The following TMEM132D variants were observed in gnomAD, a reference collection of about 807,000 sequenced individuals.
TMEM132D encodes the protein mature OL transmembrane protein.
A neutral mutation model predicts 62.3 loss-of-function variants in TMEM132D; 21 were observed. The ratio of observed to expected loss-of-function variants is 0.34; its 90% CI spans 0.24 to 0.49. TMEM132D has a LOEUF of 0.49. Ranked by LOEUF, TMEM132D falls within the 20% of genes least tolerant of loss-of-function variation. The probability of loss-of-function intolerance (pLI) is 0.99; values close to 1 mark genes in which losing one functional copy is unlikely to be tolerated. For synonymous variants in TMEM132D, 621 were observed against 575.6 expected (o/e 1.08, Z -1.13); for missense variants, 1,346 against 1,402.8 (o/e 0.96, Z 0.65).
intron 4 of TMEM132D, among the ~76,000 whole-genome samples, chr12:129,252,972 C>T (rs1320280869): frequency 7.0e-6 from 1 of 142,434 alleles, no homozygotes; most frequent in African/African-American, 2.6e-5. Context: ...AGTTCTCACT[C>T]ATAGGTGGGA....
intron 2 of TMEM132D, among the ~76,000 whole-genome samples, chr12:129,557,072 C>A (rs966194089): frequency 2.0e-5 from 3 of 152,180 alleles, no homozygotes; most frequent in Non-Finnish European, 4.4e-5. Flanking sequence ...TTGATACCCA[C>A]CATTATTCAC....
At chr12:129,404,157 C>T (rs1050186989) in intron 3 of TMEM132D, among the ~76,000 whole-genome samples, 2 of 151,882 alleles carry the variant, frequency 1.3e-5, no homozygotes, top group African/African-American at 4.8e-5. Flanking sequence ...GGTATTAGGC[C>T]ATTTTGCATC....
At chr12:129,124,517 C>G (rs957750568) in intron 5 of TMEM132D, among the ~76,000 whole-genome samples, 5 of 152,190 alleles carry the variant, frequency 3.3e-5, no homozygotes, top group Non-Finnish European at 7.3e-5. Flanking sequence ...TGGTTCCTCT[C>G]ACCATAGGTC....
intron 3 of TMEM132D, among the ~76,000 whole-genome samples, chr12:129,356,940 G>A (rs1870080085): frequency 1.4e-5 from 2 of 143,584 alleles, no homozygotes; most frequent in South Asian, 2.3e-4. Context: ...GAGAGGGGAG[G>A]GGAGGGGAGG....
intron 4 of TMEM132D, among the ~76,000 whole-genome samples, chr12:129,279,170 C>T (rs533299421): frequency 5.3e-5 from 8 of 152,258 alleles, no homozygotes; most frequent in African/African-American, 9.6e-5. Flanking sequence ...ACTCATGGGA[C>T]GGCAGTCTGC....
At chr12:129,799,722 A>G (rs974582801) in intron 1 of TMEM132D, among the ~76,000 whole-genome samples, 3 of 152,110 alleles carry the variant, frequency 2.0e-5, no homozygotes, top group Admixed American at 6.5e-5. Flanking sequence ...AAAGGAATCT[A>G]CAGGCTTTGG....
chr12:129,761,399 A>C (rs1043851850), intron 1 of TMEM132D, among the ~76,000 whole-genome samples: 1 of 152,162 alleles, frequency 6.6e-6, no homozygotes, highest in African/African-American at 2.4e-5. Context: ...GGAACTGCAG[A>C]GAAGTCACTG....
intron 1 of TMEM132D, among the ~76,000 whole-genome samples, chr12:129,836,180 C>T (rs11060576): frequency 0.24 from 36,189 of 152,026 alleles, 4,548 homozygotes; most frequent in East Asian, 0.54. Flanking sequence ...TTTAATATGA[C>T]TGTGATGGAG....
At chr12:129,862,172 A>G (rs537167600) in intron 1 of TMEM132D, among the ~76,000 whole-genome samples, 57 of 152,300 alleles carry the variant, frequency 3.7e-4, no homozygotes, top group Non-Finnish European at 6.3e-4. Context: ...CGGTGGTGAT[A>G]AATCAGGTCT....
chr12:129,818,889 G>T (rs568775785), intron 1 of TMEM132D, among the ~76,000 whole-genome samples: 17 of 152,140 alleles, frequency 1.1e-4, no homozygotes, highest in African/African-American at 4.1e-4. Context: ...ACAAAAACTA[G>T]CTGGGCGTGG....
At chr12:129,238,544 A>G (rs919584791) in intron 4 of TMEM132D, among the ~76,000 whole-genome samples, 12 of 151,972 alleles carry the variant, frequency 7.9e-5, no homozygotes, top group African/African-American at 2.4e-4. Context: ...AAATTTGCCT[A>G]CTCTAGGTAC....
At position 129,784,185 on chromosome 12, in the gene TMEM132D, C is replaced by T. The variant is rs1485924867; in HGVS notation, c.80-83487G>A. Among the ~76,000 whole-genome samples the T allele has an allele frequency of 2.0e-5, 3 of 152,152 alleles. No individual in the cohort carries two copies. The East Asian group carries it at 5.8e-4, about 29-fold the overall frequency. On this transcript the variant is annotated intron_variant, in intron 1 of 8. Coordinates refer to ENST00000422113, the MANE Select transcript of TMEM132D (RefSeq NM_133448.3). Reference sequence around the variant, plus strand: ...AAGACCTGGTAACTGAGGCCATCCCCCCGTGAGACCACGAGCTGGCATTTA... The same window carrying T: ...AAGACCTGGTAACTGAGGCCATCCCTCCGTGAGACCACGAGCTGGCATTTA...
intron 2 of TMEM132D, among the ~76,000 whole-genome samples, chr12:129,673,765 A>G (rs1880563628): frequency 6.6e-6 from 1 of 152,174 alleles, no homozygotes; most frequent in African/African-American, 2.4e-5. Flanking sequence ...TGGAAAAACC[A>G]ATTTCCAACC....
intron 2 of TMEM132D, among the ~76,000 whole-genome samples, chr12:129,692,429 G>A (rs1312889404): frequency 6.6e-6 from 1 of 152,202 alleles, no homozygotes; most frequent in Non-Finnish European, 1.5e-5. Context: ...TTCCTTGTAG[G>A]TGCTGCACAT....
chr12:129,806,698 A>G (rs1161563306), intron 1 of TMEM132D, among the ~76,000 whole-genome samples: 1 of 152,028 alleles, frequency 6.6e-6, no homozygotes, highest in Non-Finnish European at 1.5e-5. Flanking sequence ...CATAATAATA[A>G]AAGAAAAAAA....
rs114413965 is a variant in TMEM132D, at chr12:129,378,656, G to A, written c.1116-40839C>T. The stretch of plus-strand genomic sequence containing the variant: ...CACAGCTCCTGGCTGGTTCTCAATG[G>A]AAGAGTGACGCTCCATTTTTCCATT... On this transcript the variant is annotated intron_variant, in intron 3 of 8. Coordinates refer to ENST00000422113, the MANE Select transcript of TMEM132D (RefSeq NM_133448.3). Among the ~76,000 whole-genome samples, 524 of 152,256 alleles carry A rather than the reference G, an allele frequency of 3.4e-3. 4 individuals are homozygous for A. Among genetic ancestry groups the A allele is most frequent in the African/African-American group, 0.012 (508 of 41,546 alleles).
chr12:129,769,551 CAGA>C (rs1870665205), intron 1 of TMEM132D, among the ~76,000 whole-genome samples: 1 of 152,162 alleles, frequency 6.6e-6, no homozygotes, highest in Non-Finnish European at 1.5e-5. Context: ...CCTGACATGT[CAGA>C]AGGTCAGGCT....
intron 5 of TMEM132D, among the ~76,000 whole-genome samples, chr12:129,096,589 A>T (rs1389950240): frequency 6.6e-6 from 1 of 152,016 alleles, no homozygotes; most frequent in Non-Finnish European, 1.5e-5. Flanking sequence ...AAACACAGGG[A>T]CCCCAAGGAG....
chr12:129,197,806 A>T (rs576381461), intron 5 of TMEM132D, among the ~76,000 whole-genome samples: 2 of 152,328 alleles, frequency 1.3e-5, no homozygotes, highest in East Asian at 3.9e-4. Context: ...TGAAACATAA[A>T]CATTTCTACA....
Sources: allele counts gnomAD v4.1 joint callset (sites outside exome capture counted in the v4.1 genomes callset), GRCh38; gene constraint gnomAD v4.1.1; transcripts MANE v1.5; gene names NCBI Gene and HGNC (gene_info 2026-07-23, HGNC 2026-07-21).